The following ZFYVE16 variants were observed in gnomAD, a reference collection of about 807,000 sequenced individuals.
The protein encoded by ZFYVE16 is zinc finger FYVE-type containing 16, also known as zinc finger FYVE domain-containing protein 16.
In ZFYVE16, 89 loss-of-function variants were observed where a neutral mutation model predicts 138.1. The ratio of observed to expected loss-of-function variants is 0.64; its 90% CI spans 0.54 to 0.77. ZFYVE16 has a LOEUF of 0.77. ZFYVE16 is among the 30% of genes least tolerant of loss of function. The pLI, the probability that ZFYVE16 is intolerant of heterozygous loss-of-function variation, is 0.00. For missense variants in ZFYVE16, 1,793 were observed against 1,786.7 expected, an observed-to-expected ratio of 1.00 and a Z score of -0.06; for synonymous variants, 596 against 618.3, an observed-to-expected ratio of 0.96 and a Z score of 0.53.
rs763091519 is a variant in ZFYVE16, at chr5:80,437,081, C to A, written c.396C>A (p.Asp132Glu). The A allele has an allele frequency of 4.3e-6, 7 of 1,613,994 alleles. No homozygotes were observed. In the South Asian group the frequency reaches 7.7e-5, roughly 18 times the overall value. Reference sequence around the variant, plus strand: ...AACCTATCTGTGATCTGATAAGTGACATGGGTAACTTAGTTCATGCAACCA... The same window carrying A: ...AACCTATCTGTGATCTGATAAGTGAAATGGGTAACTTAGTTCATGCAACCA... ...CSKPICDLIS[D>E]MGNLVHATNS... Residue 132 changes from aspartate (D) to glutamate (E), a missense_variant, in exon 4 of 19, where the codon GAC (aspartate) becomes GAA (glutamate). Transcript: ENST00000505560.
chr5:80,447,767 CTTAATA>C (rs1170336418), intron 7 of ZFYVE16, among the ~76,000 whole-genome samples: 2 of 152,122 alleles, frequency 1.3e-5, no homozygotes, highest in African/African-American at 2.4e-5. Context: ...TTTTTCCAAT[CTTAATA>C]TTAAGTCATT....
At chr5:80,466,544 A>G (rs1190979890) in intron 15 of ZFYVE16, among the ~76,000 whole-genome samples, 1 of 152,178 alleles carries the variant, frequency 6.6e-6, no homozygotes, top group Admixed American at 6.5e-5. Flanking sequence ...CTGTGAACAT[A>G]TTTAAAATAA....
chr5:80,477,892 G>C lies in ZFYVE16; in HGVS notation c.*515G>C, dbSNP rs1214443326. On this transcript the variant is annotated 3_prime_UTR_variant, in exon 19 of 19. Coordinates refer to ENST00000505560, the MANE Select transcript of ZFYVE16 (RefSeq NM_001284236.3). ...AACTGATAACTTATTTGTATAATTGGAGTGGAGACCTACCTCCATAATTAG... is the reference window on the plus strand; with the variant it reads ...AACTGATAACTTATTTGTATAATTGCAGTGGAGACCTACCTCCATAATTAG... 6.6e-6 allele frequency: 1 copy of C among 151,966 alleles called. No individual in the cohort carries two copies. The highest frequency in any genetic ancestry group is 1.5e-5 in the Non-Finnish European group (1 of 67,954). The allele number at this position is 151,966 out of a possible 1,614,324, so 9.4% of individuals were successfully genotyped here. A position where few individuals can be genotyped will look rare whatever the true frequency, so the allele number is the denominator to read the frequency against.
chr5:80,456,799 A>G (rs530461569), intron 13 of ZFYVE16, 146 bp from the exon 14 acceptor site: 176 of 1,044,388 alleles, frequency 1.7e-4, no homozygotes, highest in Admixed American at 9.0e-4. Flanking sequence ...TTTTATTTTA[A>G]AACATTTGTT....
chr5:80,436,917 A>G lies in ZFYVE16; in HGVS notation c.232A>G (p.Ser78Gly), dbSNP rs748831297. 19 of 1,614,054 alleles carry G rather than the reference A, an allele frequency of 1.2e-5. No homozygotes were observed. In the Admixed American group the frequency reaches 1.7e-4, roughly 14 times the overall value. ...SSETSYGTNE[S>G]SLNEKTLKGL... ...AGAAACAAGCTATGGAACAAATGAG[A>G]GTTCCCTGAATGAAAAAACACTCAA... Residue 78 changes from serine to glycine, a missense_variant, in exon 4 of 19, where the codon AGT becomes GGT. Physicochemically the swap from Ser to Gly is moderately conservative, Grantham distance 56 (BLOSUM62 0). This residue lies in a region of ZFYVE16 where 1,295 missense variants were observed against 1,204.3 expected (regional missense o/e 1.08). Transcript: ENST00000505560.
intron 14 of ZFYVE16, 125 bp downstream of exon 14, chr5:80,457,217 G>C: frequency 7.4e-7 from 1 of 1,357,230 alleles, no homozygotes; most frequent in South Asian, 1.5e-5. Flanking sequence ...AATATGTTTT[G>C]AAATTTCAGC....
chr5:80,443,704 TC>T (rs1750983272), intron 6 of ZFYVE16: 2 of 456,596 alleles, frequency 4.4e-6, no homozygotes, highest in Non-Finnish European at 8.8e-6. Flanking sequence ...AGCAGCTGTA[TC>T]TGTTGGTGGT....
chr5:80,451,138 A>G (rs544012143), intron 10 of ZFYVE16, among the ~76,000 whole-genome samples: 33 of 152,206 alleles, frequency 2.2e-4, no homozygotes, highest in African/African-American at 7.7e-4. Flanking sequence ...CAGTGTATCT[A>G]TGTAATTTCC....
Position 80,431,508 on chromosome 5 carries a change from A to C in ZFYVE16, c.-39-2601A>C, listed in dbSNP as rs542252450. 1.2e-4 allele frequency among the ~76,000 whole-genome samples: 19 copies of C among 152,328 alleles called. 1 individual carries two copies. The highest frequency in any genetic ancestry group is 4.3e-4 in the African/African-American group (18 of 41,582). On this transcript the variant is annotated intron_variant, in intron 2 of 18. Coordinates refer to ENST00000505560, the MANE Select transcript of ZFYVE16 (RefSeq NM_001284236.3). ...TACTGAATTGGCAAAAACTGGAAGC[A>C]TTCCCTTTGAAAACTGGCACAAGAC...
At chr5:80,477,177 AAG>A in intron 18 of ZFYVE16, 40 bp from the exon 19 acceptor site, 1 of 1,512,098 alleles carries the variant, frequency 6.6e-7, no homozygotes, top group Non-Finnish European at 8.9e-7. Context: ...CGAGTTAAAC[AAG>A]ATTGCTCATT....
chr5:80,444,723 CT>C (rs1447189408), intron 6 of ZFYVE16, among the ~76,000 whole-genome samples: 2 of 151,200 alleles, frequency 1.3e-5, no homozygotes, highest in African/African-American at 4.9e-5. Context: ...ATCCTGTTAC[CT>C]TTTTTTAGGT....
intron 15 of ZFYVE16, among the ~76,000 whole-genome samples, chr5:80,467,104 C>G (rs1290857011): frequency 1.3e-5 from 2 of 152,300 alleles, no homozygotes; most frequent in African/African-American, 4.8e-5. Flanking sequence ...TGACTCTAAG[C>G]TTACCCAGTG....
chr5:80,422,377 T>C (rs1181960288), intron 1 of ZFYVE16, among the ~76,000 whole-genome samples: 1 of 152,228 alleles, frequency 6.6e-6, no homozygotes, highest in Non-Finnish European at 1.5e-5. Context: ...TTTATACTTA[T>C]TCTTTATCAG....
Position 80,431,260 on chromosome 5 carries a change from T to C in ZFYVE16, c.-39-2849T>C, listed in dbSNP as rs184725948. 6.2e-3 allele frequency among the ~76,000 whole-genome samples: 947 copies of C among 152,160 alleles called. 10 individuals carry two copies. The highest frequency in any genetic ancestry group is 0.021 in the African/African-American group (875 of 41,506). ...CCACCGTGATCAAGTGGGCTTCATC[T>C]CTGGGATGCAAGGCTGGTTCAACAT... On this transcript the variant is annotated intron_variant, in intron 2 of 18. Transcript: ENST00000505560.
chr5:80,422,898 T>G (rs1747442306), intron 1 of ZFYVE16, among the ~76,000 whole-genome samples: 1 of 152,238 alleles, frequency 6.6e-6, no homozygotes, highest in African/African-American at 2.4e-5. Context: ...ATGTATAATT[T>G]TTCAATACAT....
intron 2 of ZFYVE16, among the ~76,000 whole-genome samples, chr5:80,432,632 C>A (rs1749235725): frequency 1.3e-5 from 2 of 152,100 alleles, no homozygotes; most frequent in African/African-American, 4.8e-5. Flanking sequence ...AAGAAACTAC[C>A]ATCAGAGTGA....
chr5:80,456,397 G>T (rs2112476390), intron 12 of ZFYVE16, 64 bp from the exon 13 acceptor site: 1 of 1,235,900 alleles, frequency 8.1e-7, no homozygotes, highest in Non-Finnish European at 1.2e-6. Context: ...TCTTAAAGAA[G>T]GATTTAATGG....
rs141700174 is a variant in ZFYVE16, at chr5:80,460,432, T to C, written c.4024+938T>C. On this transcript the variant is annotated intron_variant, in intron 15 of 18. Transcript: ENST00000505560. ...AATAGAAGTTCTCATTTTAATACAGTATAATTTATGACTCTTATGGCTAAT... is the reference window on the plus strand; with the variant it reads ...AATAGAAGTTCTCATTTTAATACAGCATAATTTATGACTCTTATGGCTAAT... 1.4e-3 allele frequency among the ~76,000 whole-genome samples: 217 copies of C among 152,222 alleles called. 1 individual carries two copies. The highest frequency in any genetic ancestry group is 4.3e-3 in the African/African-American group (178 of 41,584).
Position 80,477,369 on chromosome 5 carries a change from C to A in ZFYVE16, c.4612C>A (p.Leu1538Ile). 2 of 1,603,276 alleles carry A rather than the reference C, an allele frequency of 1.2e-6. No homozygotes were observed. Among genetic ancestry groups the A allele is most frequent in the Non-Finnish European group, 8.5e-7 (1 of 1,176,916 alleles). Residue 1538 changes from leucine (L) to isoleucine (I), a missense_variant, in exon 19 of 19, where the codon CTT becomes ATT. Physicochemically the swap from Leu to Ile is conservative, Grantham distance 5. Transcript: ENST00000505560. The stretch of plus-strand genomic sequence containing the variant: ...ATTAGTGTTTTTCATTATAGAACAT[C>A]TTTTTTAGTGAAAGAATGTGCCATA... ...IELVFFIIEH[L>I]F
Sources: allele counts gnomAD v4.1 joint callset (sites outside exome capture counted in the v4.1 genomes callset), GRCh38; gene constraint gnomAD v4.1.1; regional missense constraint gnomAD v4.1.1; transcripts MANE v1.5; gene names NCBI Gene and HGNC (gene_info 2026-07-23, HGNC 2026-07-21).